IL17F: variants seen among roughly 807,000 people sequenced by gnomAD.
The protein encoded by IL17F is interleukin-17F.
In IL17F, 6 loss-of-function variants were observed where a neutral mutation model predicts 8.3. The ratio of observed to expected loss-of-function variants is 0.73; its 90% CI spans 0.40 to 1.43. IL17F has a LOEUF of 1.43. IL17F is among the 40% of genes most tolerant of loss of function. IL17F has a pLI of 0.02. For synonymous variants in IL17F, 98 were observed against 81.6 expected (o/e 1.20, Z -1.08); for missense variants, 204 against 209.6 (o/e 0.97, Z 0.17).
rs747176909 is a variant in IL17F, at chr6:52,244,394, C to T, written c.33+3G>A. On this transcript the variant is annotated splice_donor_region_variant and intron_variant, in intron 1 of 2. Coordinates refer to ENST00000336123, the MANE Select transcript of IL17F (RefSeq NM_052872.4). ...TTAAACCAGAATGATTGCTGCTACT[C>T]ACCATGGCTGGGCCATGCAGGGTCT... The T allele has an allele frequency of 1.9e-6, 3 of 1,613,816 alleles. No homozygotes were observed. Among genetic ancestry groups the T allele is most frequent in the East Asian group, 2.2e-5 (1 of 44,884 alleles).
chr6:52,241,262 A>G (rs1764070345), intron 1 of IL17F, among the ~76,000 whole-genome samples: 1 of 152,104 alleles, frequency 6.6e-6, no homozygotes, highest in African/African-American at 2.4e-5. Flanking sequence ...TATTTTTAGT[A>G]GATATAGGGT....
intron 1 of IL17F, among the ~76,000 whole-genome samples, chr6:52,239,504 C>G (rs1355470097): frequency 6.6e-6 from 1 of 152,182 alleles, no homozygotes; most frequent in Admixed American, 6.5e-5. Flanking sequence ...CAAAATCCTA[C>G]CCTTCCATTA....
At position 52,238,844 on chromosome 6, in the gene IL17F, C is replaced by A. The variant is rs760922852; in HGVS notation, c.140G>T (p.Cys47Phe). 7 of 1,613,946 alleles carry A rather than the reference C, an allele frequency of 4.3e-6. No homozygotes were observed. The East Asian group carries it at 1.6e-4, about 36-fold the overall frequency. Residue 47 changes from cysteine (C) to phenylalanine (F), a missense_variant, in exon 2 of 3, where the codon TGC (cysteine) becomes TTC (phenylalanine). Transcript: ENST00000336123. ...CATACTACCTCCTGGCACAGGCGGG[C>A]AACTCTCAGGCTTTTGGAAAAAAGT... ...GHTFFQKPES[C>F]PPVPGGSMKL... is the part of the protein sequence containing the mutation.
At chr6:52,242,407 C>T (rs1228263833) in intron 1 of IL17F, among the ~76,000 whole-genome samples, 1 of 152,222 alleles carries the variant, frequency 6.6e-6, no homozygotes, top group Non-Finnish European at 1.5e-5. Flanking sequence ...GCCTCAACTA[C>T]TTATTGAAGA....
chr6:52,244,481 T>C lies in IL17F; in HGVS notation c.-52A>G. Reference sequence around the variant, plus strand: ...GGAAGCTCTTTCTGTGAATGTATCTTCCTGTGTATGCCTGTGTTCTATCAA... The same window carrying C: ...GGAAGCTCTTTCTGTGAATGTATCTCCCTGTGTATGCCTGTGTTCTATCAA... On this transcript the variant is annotated 5_prime_UTR_variant, in exon 1 of 3. Transcript: ENST00000336123. 6.4e-7 allele frequency: 1 copy of C among 1,561,502 alleles called. No individual in the cohort carries two copies. The highest frequency in any genetic ancestry group is 8.8e-7 in the Non-Finnish European group (1 of 1,132,052).
At chr6:52,241,284 G>A (rs1339299391) in intron 1 of IL17F, among the ~76,000 whole-genome samples, 1 of 152,038 alleles carries the variant, frequency 6.6e-6, no homozygotes, top group Non-Finnish European at 1.5e-5. Flanking sequence ...TCATCATGTG[G>A]TCAGGCTGGT....
At chr6:52,239,385 G>A (rs1048124769) in intron 1 of IL17F, among the ~76,000 whole-genome samples, 2 of 152,078 alleles carry the variant, frequency 1.3e-5, no homozygotes, top group East Asian at 1.9e-4. Flanking sequence ...CTTAATAAAC[G>A]ATAGCTCTTG....
At chr6:52,237,259 G>GAACTGCCTCCCT in intron 2 of IL17F, 91 bp from the exon 3 acceptor site, 2 of 975,970 alleles carry the variant, frequency 2.0e-6, no homozygotes, top group Non-Finnish European at 3.2e-6. Flanking sequence ...TTCACCTGCA[G>GAACTGCCTCCCT]GGAGGCAGTT....
rs1582259311 is a variant in IL17F, at chr6:52,236,850, G to A, written c.*81C>T. 9.4e-7 allele frequency: 1 copy of A among 1,065,848 alleles called. No individual in the cohort carries two copies. The highest frequency in any genetic ancestry group is 1.5e-6 in the Non-Finnish European group (1 of 680,994). The allele number at this position is 1,065,848 out of a possible 1,614,324, so 66.0% of individuals were successfully genotyped here. ...AGTCCTGTGAAGTGGAGGGAATTGG[G>A]GGTCAGACAGGACTTGTTGCAGAGC... On this transcript the variant is annotated 3_prime_UTR_variant, in exon 3 of 3. Coordinates refer to ENST00000336123, the MANE Select transcript of IL17F (RefSeq NM_052872.4).
chr6:52,241,434 T>A (rs544487031), intron 1 of IL17F, among the ~76,000 whole-genome samples: 1 of 152,204 alleles, frequency 6.6e-6, no homozygotes, highest in South Asian at 2.1e-4. Flanking sequence ...TTAGATAACT[T>A]CCCAAGCCTA....
Position 52,238,964 on chromosome 6 carries a change from G to A in IL17F, c.34-14C>T, listed in dbSNP as rs1764019810. ...CAAGTACTTGACCTGGAAAATAGAA[G>A]ACGCTGCAATCAGTTAGAGACTCGC... On this transcript the variant is annotated splice_polypyrimidine_tract_variant and intron_variant, in intron 1 of 2. Coordinates refer to ENST00000336123, the MANE Select transcript of IL17F (RefSeq NM_052872.4). 5 of 1,610,106 alleles carry A rather than the reference G, an allele frequency of 3.1e-6. No homozygotes were observed. In the East Asian group the frequency reaches 1.1e-4, roughly 36 times the overall value.
intron 2 of IL17F, among the ~76,000 whole-genome samples, chr6:52,237,606 C>T (rs558668166): frequency 3.4e-4 from 52 of 151,952 alleles, no homozygotes; most frequent in Non-Finnish European, 6.8e-4. Flanking sequence ...AAAGGAAAGC[C>T]ACAGCCCCAG....
intron 1 of IL17F, among the ~76,000 whole-genome samples, chr6:52,243,517 G>A (rs539830512): frequency 9.2e-5 from 14 of 152,306 alleles, no homozygotes; most frequent in African/African-American, 3.4e-4. Flanking sequence ...GGGCACTCCT[G>A]TAATCTCAGG....
chr6:52,237,328 T>C (rs1223565282), intron 2 of IL17F, among the ~76,000 whole-genome samples, 160 bp from the exon 3 acceptor site: 1 of 152,206 alleles, frequency 6.6e-6, no homozygotes, highest in Non-Finnish European at 1.5e-5. Context: ...CACCAGCCTC[T>C]GGCAGTGGCT....
chr6:52,238,573 C>T (rs901216258), intron 2 of IL17F, among the ~76,000 whole-genome samples, 157 bp downstream of exon 2: 2 of 152,194 alleles, frequency 1.3e-5, no homozygotes, highest in Non-Finnish European at 2.9e-5. Context: ...TAGTCCAAAA[C>T]AAGAAAGATA....
At chr6:52,241,123 G>A (rs1036021910) in intron 1 of IL17F, among the ~76,000 whole-genome samples, 3 of 152,046 alleles carry the variant, frequency 2.0e-5, no homozygotes, top group African/African-American at 7.3e-5. Context: ...CTGTCGCCCA[G>A]GCTGGAGTAC....
At chr6:52,241,308 C>T (rs952868975) in intron 1 of IL17F, among the ~76,000 whole-genome samples, 1 of 152,058 alleles carries the variant, frequency 6.6e-6, no homozygotes, top group Non-Finnish European at 1.5e-5. Flanking sequence ...GAACTCCTGA[C>T]CTCAAGTGAT....
Position 52,236,966 on chromosome 6 carries a change from T to C in IL17F, c.457A>G (p.Thr153Ala), listed in dbSNP as rs1297601336. The C allele has an allele frequency of 6.2e-7, 1 of 1,614,174 alleles. No individual in the cohort carries two copies. Among genetic ancestry groups the C allele is most frequent in the South Asian group, 1.1e-5 (1 of 91,084 alleles). Residue 153 changes from threonine (T) to alanine (A), a missense_variant, in exon 3 of 3, where the codon ACC (threonine) becomes GCC (alanine). Coordinates refer to ENST00000336123, the MANE Select transcript of IL17F (RefSeq NM_052872.4). ...TGGTGGATGACAGGGGTGACGCAGGTGCAGCCAACAGTCACCAGCACCTTC... is the reference window on the plus strand; with the variant it reads ...TGGTGGATGACAGGGGTGACGCAGGCGCAGCCAACAGTCACCAGCACCTTC... ...LEKVLVTVGC[T>A]CVTPVIHHVQ
intron 1 of IL17F, chr6:52,239,292 T>C: frequency 3.1e-6 from 1 of 318,758 alleles, no homozygotes; most frequent in African/African-American, 2.1e-5. Context: ...TGGATAATAA[T>C]GCTCACTTTA....
Sources: gnomAD v4.1 joint callset for allele counts (sites outside exome capture counted in the v4.1 genomes callset) on GRCh38, gnomAD v4.1.1 for gene constraint, MANE v1.5 for transcripts, NCBI Gene and HGNC (gene_info 2026-07-23, HGNC 2026-07-21) for gene names.